KLHDC4: variants seen among roughly 807,000 people sequenced by gnomAD.
KLHDC4 encodes kelch domain-containing protein 4.
In KLHDC4, 90 loss-of-function variants were observed where a neutral mutation model predicts 62.4. The ratio of observed to expected loss-of-function variants is 1.44; its 90% CI spans 1.22 to 1.72. The LOEUF (loss-of-function observed/expected upper bound fraction) is 1.72, where lower values mean the gene tolerates loss of function less well. Among genes scored for constraint, KLHDC4 ranks in the 40% most tolerant of loss-of-function variants. KLHDC4 has a pLI of 0.00. For synonymous variants in KLHDC4, 386 were observed against 284.4 expected (o/e 1.36, Z -3.59); for missense variants, 1,025 against 699.7 (o/e 1.47, Z -5.25).
chr16:87,730,543 G>T lies in KLHDC4; in HGVS notation c.599+9C>A. On this transcript the variant is annotated intron_variant, in intron 6 of 11. Transcript: ENST00000270583. Reference sequence around the variant, plus strand: ...AGGAGAGAAAGATTTTTCCGTTCTTGGTACCAACCGTGTACTTTCATGGAA... The same window carrying T: ...AGGAGAGAAAGATTTTTCCGTTCTTTGTACCAACCGTGTACTTTCATGGAA... The T allele has an allele frequency of 3.1e-6, 5 of 1,598,336 alleles. No individual in the cohort carries two copies. Among genetic ancestry groups the T allele is most frequent in the Non-Finnish European group, 3.4e-6 (4 of 1,174,208 alleles).
In KLHDC4 at chr16:87,746,359, A is replaced by AAG. The variant is rs760603832; in HGVS notation, c.506+2312_506+2313dup. Among the ~76,000 whole-genome samples, 3 of 151,932 alleles carry AAG rather than the reference A, an allele frequency of 2.0e-5. No individual in the cohort carries two copies. The South Asian group carries it at 6.2e-4, about 32-fold the overall frequency. ...AAAAAGACAAGACCACAAAGAGAGA[A>AAG]AGAGAGAGAGAGCGAGAAAGAGAGA... On this transcript the variant is annotated intron_variant, in intron 5 of 11. Transcript: ENST00000270583.
chr16:87,722,913 T>G (rs969608863), intron 7 of KLHDC4, among the ~76,000 whole-genome samples: 1 of 152,068 alleles, frequency 6.6e-6, no homozygotes, highest in African/African-American at 2.4e-5. Flanking sequence ...TGAGGGTGGG[T>G]GGCGGGTGGC....
intron 7 of KLHDC4, among the ~76,000 whole-genome samples, chr16:87,721,414 TAAAAAAAAA>T (rs1176744434): frequency 2.5e-5 from 2 of 78,912 alleles, no homozygotes; most frequent in South Asian, 4.5e-4. Context: ...ACTCTGTCTC[TAAAAAAAAA>T]AAAAAAAAAA....
intron 2 of KLHDC4, among the ~76,000 whole-genome samples, chr16:87,760,272 T>G (rs2045658536): frequency 6.7e-6 from 1 of 149,184 alleles, no homozygotes; most frequent in South Asian, 2.1e-4. Flanking sequence ...GTACGGTGAC[T>G]TGAGCCCAGG....
At chr16:87,716,910 C>A (rs934430110) in intron 7 of KLHDC4, among the ~76,000 whole-genome samples, 12 of 152,038 alleles carry the variant, frequency 7.9e-5, no homozygotes, top group African/African-American at 2.7e-4. Flanking sequence ...CCAGCCTGGG[C>A]GACAGAGCGA....
intron 7 of KLHDC4, among the ~76,000 whole-genome samples, chr16:87,719,832 G>C (rs1471553093): frequency 1.3e-5 from 2 of 152,198 alleles, no homozygotes; most frequent in African/African-American, 4.8e-5. Context: ...GCGCAACAGG[G>C]CTGGCTCTGG....
chr16:87,756,505 C>G (rs2044938339), intron 2 of KLHDC4, 28 bp from the exon 3 acceptor site: 1 of 1,562,852 alleles, frequency 6.4e-7, no homozygotes, highest in Admixed American at 1.7e-5. Flanking sequence ...GGCAGGTCAG[C>G]AAGATCACCC....
At chr16:87,734,543 C>A (rs913476873) in intron 5 of KLHDC4, among the ~76,000 whole-genome samples, 2 of 152,202 alleles carry the variant, frequency 1.3e-5, no homozygotes, top group African/African-American at 4.8e-5. Flanking sequence ...CTTCTCTCCT[C>A]TAGCACCCTC....
chr16:87,712,880 C>A (rs1336161810), intron 8 of KLHDC4, among the ~76,000 whole-genome samples: 1 of 152,226 alleles, frequency 6.6e-6, no homozygotes, highest in South Asian at 2.1e-4. Context: ...GCCCAGCCCT[C>A]TGGTCCCAAG....
chr16:87,717,673 C>G (rs576271988), intron 7 of KLHDC4, among the ~76,000 whole-genome samples: 1 of 150,590 alleles, frequency 6.6e-6, no homozygotes, highest in East Asian at 1.9e-4. Context: ...TCCATGCCTG[C>G]TTTTCCAAAC....
intron 10 of KLHDC4, 133 bp downstream of exon 10, chr16:87,709,132 A>T: frequency 8.8e-7 from 1 of 1,140,360 alleles, no homozygotes; most frequent in Non-Finnish European, 1.2e-6. Context: ...CTGACCGTGG[A>T]GGCAGGAGCA....
intron 5 of KLHDC4, among the ~76,000 whole-genome samples, chr16:87,735,026 C>A (rs1176133773): frequency 8.5e-6 from 1 of 118,072 alleles, no homozygotes; most frequent in Non-Finnish European, 1.7e-5. Flanking sequence ...ACGAATTGCC[C>A]GACGCCCCCT....
intron 7 of KLHDC4, among the ~76,000 whole-genome samples, chr16:87,715,167 G>A (rs2036692591): frequency 6.6e-6 from 1 of 152,214 alleles, no homozygotes; most frequent in African/African-American, 2.4e-5. Flanking sequence ...TGGGACCTAA[G>A]GTTGTGAGGG....
chr16:87,760,334 A>G (rs190422713), intron 2 of KLHDC4, among the ~76,000 whole-genome samples: 2 of 151,780 alleles, frequency 1.3e-5, no homozygotes, highest in African/African-American at 2.4e-5. Context: ...AGGGCCGGGC[A>G]CGGTGGCTCA....
intron 5 of KLHDC4, among the ~76,000 whole-genome samples, chr16:87,736,522 T>C (rs1383776967): frequency 6.6e-6 from 1 of 152,182 alleles, no homozygotes; most frequent in African/African-American, 2.4e-5. Flanking sequence ...GAGAGCCGTG[T>C]GCATGCACCT....
rs530567929 is a variant in KLHDC4 at position 87,762,547 on chromosome 16, G to A, written c.100-507C>T. ...GAGCAGTGTCTGATATATTTCTCTT[G>A]CTTATTTGTTTCCTCCACCCCAACA... On this transcript the variant is annotated intron_variant, in intron 1 of 11. Transcript: ENST00000270583. 3.3e-5 allele frequency among the ~76,000 whole-genome samples: 5 copies of A among 152,304 alleles called. 1 individual carries two copies. In the East Asian group the frequency reaches 9.6e-4, roughly 29 times the overall value.
intron 7 of KLHDC4, among the ~76,000 whole-genome samples, chr16:87,725,729 G>A (rs1283045597): frequency 6.6e-6 from 1 of 152,182 alleles, no homozygotes; most frequent in African/African-American, 2.4e-5. Flanking sequence ...CACGCCCCAC[G>A]AGCAGCAGGC....
chr16:87,730,700 A>T, intron 5 of KLHDC4, 56 bp from the exon 6 acceptor site: 4 of 1,470,220 alleles, frequency 2.7e-6, no homozygotes, highest in Middle Eastern at 3.5e-4. Context: ...TGGTTGTTCT[A>T]AAGACGACAA....
At chr16:87,760,451 C>T (rs2045693295) in intron 2 of KLHDC4, among the ~76,000 whole-genome samples, 1 of 150,956 alleles carries the variant, frequency 6.6e-6, no homozygotes, top group Non-Finnish European at 1.5e-5. Flanking sequence ...ACTAAAAACA[C>T]AAAAAATTAG....
Sources: gnomAD v4.1 joint callset for allele counts (sites outside exome capture counted in the v4.1 genomes callset) on GRCh38, gnomAD v4.1.1 for gene constraint, MANE v1.5 for transcripts, NCBI Gene and HGNC (gene_info 2026-07-23, HGNC 2026-07-21) for gene names.